Variants in OPCML observed in about 807,000 individuals in gnomAD.
The protein encoded by OPCML is opioid-binding protein/cell adhesion molecule.
A neutral mutation model predicts 37.8 loss-of-function variants in OPCML; 13 were observed. That is an observed-to-expected ratio of 0.34 (90% CI 0.22 to 0.55). The LOEUF (loss-of-function observed/expected upper bound fraction) is 0.55. OPCML is among the 20% of genes least tolerant of loss of function. OPCML has a pLI of 0.91. For synonymous variants in OPCML, 176 were observed against 168.8 expected (o/e 1.04, Z -0.33); for missense variants, 341 against 435.6 (o/e 0.78, Z 1.93).
chr11:132,610,831 T>C (rs904125663), intron 3 of OPCML, among the ~76,000 whole-genome samples: 1 of 152,208 alleles, frequency 6.6e-6, no homozygotes, highest in Non-Finnish European at 1.5e-5. Flanking sequence ...GAAAAACATT[T>C]TCCATAGAAA....
chr11:132,590,046 G>T (rs945728065), intron 3 of OPCML, among the ~76,000 whole-genome samples: 10 of 152,082 alleles, frequency 6.6e-5, no homozygotes, highest in Admixed American at 3.9e-4. Flanking sequence ...CTATTTATGG[G>T]CAATGCAGAT....
chr11:133,399,338 T>C (rs968628040), intron 1 of OPCML, among the ~76,000 whole-genome samples: 1 of 152,164 alleles, frequency 6.6e-6, no homozygotes, highest in Non-Finnish European at 1.5e-5. Context: ...CTTTACTAAG[T>C]GTATGACCTT....
intron 2 of OPCML, among the ~76,000 whole-genome samples, chr11:132,812,905 T>C (rs764202000): frequency 6.6e-6 from 1 of 152,196 alleles, no homozygotes; most frequent in Non-Finnish European, 1.5e-5. Context: ...AAAATATTCA[T>C]TGAAAGCAAG....
At chr11:133,497,465 T>TC (rs938556284) in intron 1 of OPCML, among the ~76,000 whole-genome samples, 5 of 152,072 alleles carry the variant, frequency 3.3e-5, no homozygotes, top group East Asian at 3.9e-4. Flanking sequence ...CTTTCTCTGG[T>TC]CCCCCCCGAT....
At chr11:133,108,040 G>A (rs1217748430) in intron 1 of OPCML, among the ~76,000 whole-genome samples, 1 of 152,118 alleles carries the variant, frequency 6.6e-6, no homozygotes, top group Non-Finnish European at 1.5e-5. Context: ...TAAAGGAAAG[G>A]GCTCAGGATG....
intron 2 of OPCML, among the ~76,000 whole-genome samples, chr11:132,799,818 C>A (rs1938541107): frequency 6.6e-6 from 1 of 152,078 alleles, no homozygotes; most frequent in Admixed American, 6.5e-5. Flanking sequence ...ATGACTTTGT[C>A]TTCACTACTA....
At chr11:133,367,896 T>C (rs1310976493) in intron 1 of OPCML, among the ~76,000 whole-genome samples, 1 of 152,120 alleles carries the variant, frequency 6.6e-6, no homozygotes, top group Non-Finnish European at 1.5e-5. Context: ...GAATGTTGGG[T>C]GCAATGTGGG....
chr11:132,836,366 G>C (rs1010138508), intron 2 of OPCML, among the ~76,000 whole-genome samples: 1 of 152,184 alleles, frequency 6.6e-6, no homozygotes, highest in African/African-American at 2.4e-5. Context: ...TACAGCATGA[G>C]CCAGCTCTAG....
chr11:133,368,246 T>TG (rs10718404), intron 1 of OPCML, among the ~76,000 whole-genome samples: 25 of 134,932 alleles, frequency 1.9e-4, no homozygotes, highest in Non-Finnish European at 2.9e-4. Context: ...AAAGGTGAGG[T>TG]GGGGGGGGGA....
At position 132,864,069 on chromosome 11, in the gene OPCML, C is replaced by T. The variant is rs577479400; in HGVS notation, c.146+78857G>A. 3.3e-5 allele frequency among the ~76,000 whole-genome samples: 5 copies of T among 152,254 alleles called. No individual in the cohort carries two copies. In the East Asian group the frequency reaches 7.7e-4, roughly 24 times the overall value. ...TCTCCTGCCTCAGCTTCCCGAGTAG[C>T]TGGGATTGCAGGCATGCGCCACCAA... On this transcript the variant is annotated intron_variant, in intron 2 of 7. Transcript: ENST00000524381.
chr11:132,648,473 T>C (rs1313452109), intron 3 of OPCML, among the ~76,000 whole-genome samples: 1 of 152,024 alleles, frequency 6.6e-6, no homozygotes, highest in Non-Finnish European at 1.5e-5. Context: ...TTTAATTCTA[T>C]TGCAAATAAG....
intron 4 of OPCML, among the ~76,000 whole-genome samples, chr11:132,512,393 G>T (rs1221203855): frequency 6.6e-6 from 1 of 151,852 alleles, no homozygotes; most frequent in Non-Finnish European, 1.5e-5. Flanking sequence ...TCCAGAAAAA[G>T]GCCTGTACAT....
chr11:132,509,313 G>A (rs2096263786), intron 4 of OPCML, among the ~76,000 whole-genome samples: 1 of 151,930 alleles, frequency 6.6e-6, no homozygotes, highest in African/African-American at 2.4e-5. Context: ...GAGCATAAAT[G>A]TTCAGAAAAT....
chr11:132,682,417 C>A (rs1364332026), intron 2 of OPCML, among the ~76,000 whole-genome samples: 1 of 152,192 alleles, frequency 6.6e-6, no homozygotes, highest in East Asian at 1.9e-4. Flanking sequence ...TAAAAAAACT[C>A]TTTTCCTTCT....
At chr11:132,778,639 T>G (rs1406220187) in intron 2 of OPCML, among the ~76,000 whole-genome samples, 4 of 152,190 alleles carry the variant, frequency 2.6e-5, no homozygotes, top group African/African-American at 9.7e-5. Context: ...ATTTTTACTG[T>G]CACTGTAATT....
At chr11:133,250,935 A>C (rs1941113175) in intron 1 of OPCML, among the ~76,000 whole-genome samples, 1 of 152,040 alleles carries the variant, frequency 6.6e-6, no homozygotes, top group African/African-American at 2.4e-5. Context: ...CTGCCAGCAC[A>C]CTGCCACACC....
chr11:133,466,536 A>G (rs748480311), intron 1 of OPCML, among the ~76,000 whole-genome samples: 66 of 152,358 alleles, frequency 4.3e-4, no homozygotes, highest in Non-Finnish European at 8.8e-4. Flanking sequence ...AGGCCATTCT[A>G]CAGAAGGGTA....
At chr11:132,702,174 T>C (rs1319250541) in intron 2 of OPCML, among the ~76,000 whole-genome samples, 2 of 152,218 alleles carry the variant, frequency 1.3e-5, no homozygotes, top group African/African-American at 4.8e-5. Flanking sequence ...ATTGCACATA[T>C]TTTCTTGCTG....
chr11:133,238,238 T>C (rs1940598268), intron 1 of OPCML, among the ~76,000 whole-genome samples: 1 of 152,178 alleles, frequency 6.6e-6, no homozygotes, highest in African/African-American at 2.4e-5. Context: ...GCAGTCTGGA[T>C]CTGTGCTGCT....
Sources: allele counts gnomAD v4.1 joint callset (sites outside exome capture counted in the v4.1 genomes callset), GRCh38; gene constraint gnomAD v4.1.1; transcripts MANE v1.5; gene names NCBI Gene and HGNC (gene_info 2026-07-23, HGNC 2026-07-21).